TRAPPC9: variants seen among roughly 807,000 people sequenced by gnomAD.
TRAPPC9 encodes IKK2 binding protein.
In TRAPPC9, 83 loss-of-function variants were observed where a neutral mutation model predicts 124.0. The observed-to-expected ratio is 0.67, with a 90% CI of 0.56 to 0.80. The LOEUF (loss-of-function observed/expected upper bound fraction) is 0.80. TRAPPC9 is among the 30% of genes least tolerant of loss of function. TRAPPC9 has a pLI of 0.00. For synonymous variants in TRAPPC9, 638 were observed against 617.5 expected (o/e 1.03, Z -0.49); for missense variants, 1,302 against 1,508.3 (o/e 0.86, Z 2.27).
At chr8:140,119,808 T>C (rs2060951687) in intron 17 of TRAPPC9, among the ~76,000 whole-genome samples, 1 of 152,206 alleles carries the variant, frequency 6.6e-6, no homozygotes, top group Non-Finnish European at 1.5e-5. Context: ...ATTAAAACCT[T>C]CAAAGTTCCT....
intron 6 of TRAPPC9, among the ~76,000 whole-genome samples, chr8:140,402,831 A>T (rs2069328566): frequency 6.6e-6 from 1 of 152,228 alleles, no homozygotes; most frequent in South Asian, 2.1e-4. Context: ...TATTTAGTAC[A>T]GGTAAGAATT....
chr8:140,343,639 T>C (rs141293804), intron 9 of TRAPPC9, among the ~76,000 whole-genome samples: 187 of 152,230 alleles, frequency 1.2e-3, no homozygotes, highest in African/African-American at 4.3e-3. Context: ...CAGAAGCCCT[T>C]AGTTAAAAAT....
intron 21 of TRAPPC9, among the ~76,000 whole-genome samples, chr8:139,800,997 A>C (rs1586872040): frequency 5.3e-5 from 6 of 113,692 alleles, no homozygotes; most frequent in African/African-American, 1.1e-4. Context: ...CCGCTCTGGC[A>C]CCTTCCCTCC....
chr8:139,929,302 T>C lies in TRAPPC9; in HGVS notation c.2811-19002A>G, dbSNP rs150628538. ...AGCACAGCACAGAGTGGATGATCAA[T>C]ACATGAATCTACTGAAAGCTTGGGG... On this transcript the variant is annotated intron_variant, in intron 19 of 22. Coordinates refer to ENST00000438773, the MANE Select transcript of TRAPPC9 (RefSeq NM_001160372.4). 3.4e-3 allele frequency among the ~76,000 whole-genome samples: 522 copies of C among 152,304 alleles called. 2 individuals are homozygous for C. Among genetic ancestry groups the C allele is most frequent in the African/African-American group, 0.011 (471 of 41,570 alleles).
chr8:140,309,578 C>T (rs1021636597), intron 10 of TRAPPC9, among the ~76,000 whole-genome samples: 1 of 152,226 alleles, frequency 6.6e-6, no homozygotes, highest in Non-Finnish European at 1.5e-5. Flanking sequence ...AGCTTCATAA[C>T]ATTCTACTAG....
intron 17 of TRAPPC9, among the ~76,000 whole-genome samples, chr8:140,077,628 G>A (rs1198189986): frequency 9.2e-5 from 14 of 152,198 alleles, no homozygotes; most frequent in Non-Finnish European, 8.8e-5. Flanking sequence ...GTGGCTGGTC[G>A]ATGTGATGTG....
chr8:140,130,757 G>C (rs11996809), intron 17 of TRAPPC9, among the ~76,000 whole-genome samples: 65,898 of 151,906 alleles, frequency 0.43, 14,513 homozygotes, highest in African/African-American at 0.5. Flanking sequence ...AAAGTGCTTG[G>C]GGGTGACAGG....
chr8:139,937,789 A>C (rs1212721479), intron 19 of TRAPPC9, among the ~76,000 whole-genome samples: 1 of 152,192 alleles, frequency 6.6e-6, no homozygotes, highest in Non-Finnish European at 1.5e-5. Context: ...CACGGTTTCT[A>C]ATCGCGTTAA....
chr8:139,976,572 G>A (rs1245429318), intron 19 of TRAPPC9, among the ~76,000 whole-genome samples: 1 of 152,204 alleles, frequency 6.6e-6, no homozygotes, highest in African/African-American at 2.4e-5. Flanking sequence ...AGGCGGCTAC[G>A]AACCTGGTTT....
At chr8:140,439,690 T>G (rs1358129043) in intron 2 of TRAPPC9, among the ~76,000 whole-genome samples, 1 of 152,216 alleles carries the variant, frequency 6.6e-6, no homozygotes, top group Non-Finnish European at 1.5e-5. Context: ...GAGCAGGGCC[T>G]GGGGTGCTCA....
At chr8:140,018,971 GAA>G (rs1401697479) in intron 18 of TRAPPC9, among the ~76,000 whole-genome samples, 1 of 152,182 alleles carries the variant, frequency 6.6e-6, no homozygotes, top group African/African-American at 2.4e-5. Flanking sequence ...TCAGACTGAG[GAA>G]GTTCTCTTCT....
At chr8:139,881,824 G>C (rs981933482) in intron 21 of TRAPPC9, among the ~76,000 whole-genome samples, 1 of 152,220 alleles carries the variant, frequency 6.6e-6, no homozygotes, top group Admixed American at 6.5e-5. Context: ...CTCGCTGAAA[G>C]CAAGAAAAAC....
In TRAPPC9 at chr8:140,023,924, G is replaced by A. The variant is rs762841685; in HGVS notation, c.2699+13C>T. ...TCTAGAACAAGACGGCTGTGCGGCAGGAAGACATTTACCTGGTTGCTGGGA... is the reference window on the plus strand; with the variant it reads ...TCTAGAACAAGACGGCTGTGCGGCAAGAAGACATTTACCTGGTTGCTGGGA... On this transcript the variant is annotated intron_variant, in intron 18 of 22. Transcript: ENST00000438773. 7 of 1,613,962 alleles carry A rather than the reference G, an allele frequency of 4.3e-6. No homozygotes were observed. The highest frequency in any genetic ancestry group is 1.1e-5 in the South Asian group (1 of 91,072).
At chr8:140,393,819 T>C in intron 7 of TRAPPC9, among the ~76,000 whole-genome samples, 1 of 152,228 alleles carries the variant, frequency 6.6e-6, no homozygotes, top group East Asian at 1.9e-4. Context: ...CTCTTCTTTA[T>C]TGTTCTTATA....
chr8:139,760,089 T>C (rs1319663598), intron 21 of TRAPPC9, among the ~76,000 whole-genome samples: 2 of 152,134 alleles, frequency 1.3e-5, no homozygotes, highest in African/African-American at 2.4e-5. Flanking sequence ...GTGTGCTGTG[T>C]GTTGTGAGTG....
At chr8:140,078,577 A>T (rs1843640539) in intron 17 of TRAPPC9, among the ~76,000 whole-genome samples, 1 of 152,178 alleles carries the variant, frequency 6.6e-6, no homozygotes, top group Non-Finnish European at 1.5e-5. Flanking sequence ...TTATTCTAGG[A>T]ACTGAAGGCA....
At chr8:139,858,333 T>C (rs1291756649) in intron 21 of TRAPPC9, among the ~76,000 whole-genome samples, 2 of 152,168 alleles carry the variant, frequency 1.3e-5, no homozygotes, top group Non-Finnish European at 2.9e-5. Flanking sequence ...ATAAGGAGGG[T>C]TGTGCATCTT....
At position 140,283,955 on chromosome 8, in the gene TRAPPC9, G is replaced by T. The variant is rs758562541; in HGVS notation, c.2048C>A (p.Thr683Asn). 1.2e-6 allele frequency: 2 copies of T among 1,614,176 alleles called. No homozygotes were observed. Among genetic ancestry groups the T allele is most frequent in the Non-Finnish European group, 1.7e-6 (2 of 1,180,042 alleles). The change falls in exon 14 of 23, where the codon ACC (threonine) becomes AAC (asparagine). Residue 683 changes from threonine (T) to asparagine (N), a missense_variant. Thr to Asn is a moderately conservative substitution (Grantham distance 65). This residue lies in a region of TRAPPC9 where 640 missense variants were observed against 679.3 expected (regional missense o/e 0.94). Coordinates refer to ENST00000438773, the MANE Select transcript of TRAPPC9 (RefSeq NM_001160372.4). The part of the protein sequence containing the change: ...CLLDNLPGIK[T>N]SGSTVEVIPA... ...AATGACTTCCACTGTGGAGCCACTG[G>T]TTTTTATTCCCGGCAGGTTATCCAG...
intron 21 of TRAPPC9, among the ~76,000 whole-genome samples, chr8:139,841,200 C>T (rs1400580105): frequency 2.6e-5 from 4 of 152,158 alleles, no homozygotes; most frequent in African/African-American, 4.8e-5. Context: ...CGCATCACTC[C>T]GCCCTCCTCT....
Sources: gnomAD v4.1 joint callset for allele counts (sites outside exome capture counted in the v4.1 genomes callset) on GRCh38, gnomAD v4.1.1 for gene constraint, gnomAD v4.1.1 regional missense constraint, MANE v1.5 for transcripts, NCBI Gene and HGNC (gene_info 2026-07-23, HGNC 2026-07-21) for gene names.